Variants in MRTFA observed in about 807,000 individuals in gnomAD.
MRTFA encodes myocardin related transcription factor A, also known as myocardin-related transcription factor A.
A neutral mutation model predicts 83.5 loss-of-function variants in MRTFA; 20 were observed. The observed-to-expected ratio is 0.24, with a 90% CI of 0.17 to 0.35. The LOEUF is 0.35. Among genes scored for constraint, MRTFA ranks in the 10% least tolerant of loss-of-function variants. The probability of loss-of-function intolerance (pLI) is 1.00; values close to 1 mark genes in which losing one functional copy is unlikely to be tolerated. For synonymous variants in MRTFA, 659 were observed against 541.2 expected (o/e 1.22, Z -3.02); for missense variants, 1,200 against 1,224.7 (o/e 0.98, Z 0.30).
chr22:40,459,846 T>TATATATATATATATATAC (rs2053676436), intron 4 of MRTFA, among the ~76,000 whole-genome samples: 1 of 138,754 alleles, frequency 7.2e-6, no homozygotes, highest in Non-Finnish European at 1.5e-5. Flanking sequence ...TATATATATA[T>TATATATATATATATATAC]ATATATATAT....
chr22:40,564,008 C>T (rs564011384), intron 2 of MRTFA, among the ~76,000 whole-genome samples: 1 of 152,114 alleles, frequency 6.6e-6, no homozygotes, highest in African/African-American at 2.4e-5. Context: ...AAGAAGGGAA[C>T]GACCATACAA....
chr22:40,527,079 T>C (rs2054988653), intron 3 of MRTFA, among the ~76,000 whole-genome samples: 1 of 151,794 alleles, frequency 6.6e-6, no homozygotes. Context: ...TGAACCATGA[T>C]CACACTACTG....
intron 3 of MRTFA, among the ~76,000 whole-genome samples, chr22:40,485,179 T>C (rs2054155198): frequency 6.6e-6 from 1 of 152,204 alleles, no homozygotes; most frequent in Non-Finnish European, 1.5e-5. Context: ...GCCACACCTA[T>C]CAGCAGAATG....
chr22:40,586,609 A>G (rs2056032167), intron 2 of MRTFA: 1 of 177,198 alleles, frequency 5.6e-6, no homozygotes. Flanking sequence ...GCTTCCTGCC[A>G]TGAGCAATCA....
chr22:40,469,614 T>C (rs747917378), intron 3 of MRTFA, among the ~76,000 whole-genome samples: 5 of 152,022 alleles, frequency 3.3e-5, no homozygotes, highest in East Asian at 1.9e-4. Context: ...ATCAACCAAA[T>C]AGAATTAACA....
rs551764446 is a variant in MRTFA at position 40,434,356 on chromosome 22, G to C, written c.363+1143C>G. Among the ~76,000 whole-genome samples, 6 of 151,754 alleles carry C rather than the reference G, an allele frequency of 4.0e-5. No individual in the cohort carries two copies. The South Asian group carries it at 1.2e-3, about 32-fold the overall frequency. On this transcript the variant is annotated intron_variant, in intron 5 of 14. Transcript: ENST00000355630. ...TCTAAGAATTAATCATGATTTTCTG[G>C]GGAGAGGGGAATGAAAGAAAGTTTA...
chr22:40,611,191 G>C (rs1181195210), intron 1 of MRTFA, among the ~76,000 whole-genome samples: 3 of 151,868 alleles, frequency 2.0e-5, no homozygotes, highest in African/African-American at 7.3e-5. Flanking sequence ...TGCCCACCTT[G>C]GTCTCCCAAA....
intron 3 of MRTFA, among the ~76,000 whole-genome samples, chr22:40,495,152 T>C (rs1459150033): frequency 1.4e-5 from 2 of 145,952 alleles, no homozygotes; most frequent in Non-Finnish European, 3.0e-5. Context: ...GGTGAGAGGA[T>C]TGCTTGAGCC....
chr22:40,494,234 A>C (rs748129825), intron 3 of MRTFA, among the ~76,000 whole-genome samples: 9 of 152,196 alleles, frequency 5.9e-5, no homozygotes, highest in Admixed American at 2.0e-4. Flanking sequence ...ATCTGACTTT[A>C]GTAATAAAGG....
intron 3 of MRTFA, among the ~76,000 whole-genome samples, chr22:40,496,926 A>G (rs2054364685): frequency 6.6e-6 from 1 of 151,684 alleles, no homozygotes; most frequent in Non-Finnish European, 1.5e-5. Flanking sequence ...GGTGTCCTCT[A>G]TCTCTAAAAT....
At chr22:40,557,939 A>C (rs1372126457) in intron 2 of MRTFA, among the ~76,000 whole-genome samples, 1 of 151,936 alleles carries the variant, frequency 6.6e-6, no homozygotes, top group African/African-American at 2.4e-5. Flanking sequence ...AGGCCCGGCT[A>C]ATTTTTGTAT....
intron 3 of MRTFA, among the ~76,000 whole-genome samples, chr22:40,534,852 G>C (rs2055140300): frequency 6.6e-6 from 1 of 152,168 alleles, no homozygotes; most frequent in African/African-American, 2.4e-5. Flanking sequence ...CAATAGCCCA[G>C]CGAATACCTT....
intron 3 of MRTFA, among the ~76,000 whole-genome samples, chr22:40,550,186 CTTTT>C (rs879886604): frequency 6.8e-6 from 1 of 146,142 alleles, no homozygotes; most frequent in East Asian, 2.0e-4. Flanking sequence ...CTTCCTACTT[CTTTT>C]TTTTTTTCTT....
intron 2 of MRTFA, among the ~76,000 whole-genome samples, chr22:40,581,288 T>A (rs186893373): frequency 2.0e-5 from 3 of 152,212 alleles, no homozygotes; most frequent in African/African-American, 7.2e-5. Context: ...ATAAATGAAA[T>A]TAAAACACGT....
At chr22:40,413,776 T>A (rs1307710809) in intron 14 of MRTFA, among the ~76,000 whole-genome samples, 1 of 152,156 alleles carries the variant, frequency 6.6e-6, no homozygotes, top group East Asian at 1.9e-4. Context: ...TCAAAAAAAA[T>A]GTGCAAAGGA....
intron 3 of MRTFA, among the ~76,000 whole-genome samples, chr22:40,496,013 C>T (rs1209028244): frequency 6.6e-6 from 1 of 151,522 alleles, no homozygotes; most frequent in African/African-American, 2.4e-5. Flanking sequence ...TTGCAGTGAG[C>T]CAAGATTGCA....
At chr22:40,504,974 T>C (rs1468872374) in intron 3 of MRTFA, among the ~76,000 whole-genome samples, 3 of 152,222 alleles carry the variant, frequency 2.0e-5, no homozygotes, top group Non-Finnish European at 2.9e-5. Context: ...ATAATGACTA[T>C]ATCTATCCCC....
At chr22:40,509,028 T>C (rs1382095641) in intron 3 of MRTFA, among the ~76,000 whole-genome samples, 1 of 152,170 alleles carries the variant, frequency 6.6e-6, no homozygotes, top group Non-Finnish European at 1.5e-5. Context: ...CAGGAATGCT[T>C]GTATTTGTAT....
At chr22:40,420,801 G>A (rs749582225) in intron 10 of MRTFA, 46 bp downstream of exon 10, 3 of 1,607,602 alleles carry the variant, frequency 1.9e-6, no homozygotes, top group African/African-American at 1.3e-5. Context: ...CTGGCTCAGG[G>A]TGGCTCGGGG....
Sources: allele counts gnomAD v4.1 joint callset (sites outside exome capture counted in the v4.1 genomes callset), GRCh38; gene constraint gnomAD v4.1.1; transcripts MANE v1.5; gene names NCBI Gene and HGNC (gene_info 2026-07-23, HGNC 2026-07-21).